Variants in SLC12A2 observed in about 807,000 individuals in gnomAD.
SLC12A2 encodes the protein solute carrier family 12 member 2.
In SLC12A2, 67 loss-of-function variants were observed where a neutral mutation model predicts 136.3. That is an observed-to-expected ratio of 0.49 (90% CI 0.40 to 0.60). The LOEUF is 0.60. SLC12A2 is among the 20% of genes least tolerant of loss of function. The pLI is 0.00. For synonymous variants in SLC12A2, 619 were observed against 562.9 expected, an observed-to-expected ratio of 1.10 and a Z score of -1.41; for missense variants, 1,322 against 1,534.7, an observed-to-expected ratio of 0.86 and a Z score of 2.32.
intron 1 of SLC12A2, among the ~76,000 whole-genome samples, chr5:128,107,871 T>TC (rs1176579732): frequency 1.3e-5 from 2 of 152,130 alleles, no homozygotes; most frequent in African/African-American, 4.8e-5. Context: ...TGCCACACTG[T>TC]CTTTCACAAT....
intron 19 of SLC12A2, among the ~76,000 whole-genome samples, chr5:128,173,358 G>A (rs1300283188): frequency 6.6e-6 from 1 of 152,172 alleles, no homozygotes; most frequent in Non-Finnish European, 1.5e-5. Context: ...AACATAAATA[G>A]TAGTGTTCCC....
Position 128,112,893 on chromosome 5 carries a change from G to A in SLC12A2, c.836G>A (p.Ser279Asn). Reference sequence around the variant, plus strand: ...GCTGTGGTCACGTATACTGCAGAAAGTAAAGGAGTCGTGAAGTTTGGCTGG... The same window carrying A: ...GCTGTGGTCACGTATACTGCAGAAAATAAAGGAGTCGTGAAGTTTGGCTGG... Reference protein sequence around the residue: ...RDAVVTYTAESKGVVKFGWIK... With the variant: ...RDAVVTYTAENKGVVKFGWIK... Residue 279 changes from serine to asparagine, a missense_variant, in exon 2 of 27, where the codon AGT (serine) becomes AAT (asparagine). Physicochemically the swap from Ser to Asn is conservative, Grantham distance 46. Coordinates refer to ENST00000262461, the MANE Select transcript of SLC12A2 (RefSeq NM_001046.3). 1 of 1,613,250 alleles carries A rather than the reference G, an allele frequency of 6.2e-7. No individual in the cohort carries two copies. Among genetic ancestry groups the A allele is most frequent in the East Asian group, 2.2e-5 (1 of 44,824 alleles).
chr5:128,126,480 C>T (rs1320013314), intron 4 of SLC12A2, among the ~76,000 whole-genome samples: 1 of 151,992 alleles, frequency 6.6e-6, no homozygotes, highest in Non-Finnish European at 1.5e-5. Flanking sequence ...GGAAGTTCCT[C>T]AGAAAACTAA....
intron 15 of SLC12A2, among the ~76,000 whole-genome samples, chr5:128,157,577 C>G (rs1762903798): frequency 6.6e-6 from 1 of 152,070 alleles, no homozygotes; most frequent in African/African-American, 2.4e-5. Context: ...GAAGGCAAAC[C>G]TGTGCTTGCA....
chr5:128,118,276 T>A lies in SLC12A2; in HGVS notation c.1048+3595T>A, dbSNP rs116248097. ...GAAAAAGACACTTGTGCACACATGT[T>A]TATAGCAGTAGAATTCACAATTATA... is the stretch of plus-strand genomic sequence containing the variant. On this transcript the variant is annotated intron_variant, in intron 4 of 26. Coordinates refer to ENST00000262461, the MANE Select transcript of SLC12A2 (RefSeq NM_001046.3). Among the ~76,000 whole-genome samples the A allele has an allele frequency of 3.1e-3, 469 of 152,306 alleles. 4 individuals are homozygous for A. The highest frequency in any genetic ancestry group is 0.011 in the African/African-American group (452 of 41,578).
At position 128,180,871 on chromosome 5, in the gene SLC12A2, T is replaced by G. The variant is rs1202655571; in HGVS notation, c.3101-12T>G. 3 of 1,441,784 alleles carry G rather than the reference T, an allele frequency of 2.1e-6. No homozygotes were observed. The highest frequency in any genetic ancestry group is 2.4e-5 in the South Asian group (2 of 84,416). 89.3% of individuals were successfully genotyped at this position (1,441,784 alleles called of 1,614,324 possible). On this transcript the variant is annotated splice_polypyrimidine_tract_variant and intron_variant, in intron 22 of 26. Transcript: ENST00000262461. ...CATTTAGTAAATGATTTATTACATT[T>G]TTATAATTCAGGTTTGACCTTATTG...
intron 1 of SLC12A2, among the ~76,000 whole-genome samples, chr5:128,098,610 ATTC>A (rs1379884250): frequency 2.6e-5 from 4 of 151,642 alleles, no homozygotes; most frequent in Non-Finnish European, 5.9e-5. Flanking sequence ...TTTTAAAAAT[ATTC>A]TTCTGAAAAT....
chr5:128,110,367 A>G (rs1398464233), intron 1 of SLC12A2: 2 of 974,952 alleles, frequency 2.1e-6, no homozygotes, highest in African/African-American at 3.2e-5. Flanking sequence ...GCAAGCTAAC[A>G]CGGGTCCTCC....
chr5:128,117,340 A>G (rs539462803), intron 4 of SLC12A2, among the ~76,000 whole-genome samples: 2 of 152,334 alleles, frequency 1.3e-5, no homozygotes, highest in East Asian at 3.9e-4. Context: ...ATATGAAAAT[A>G]TGGATGTAAA....
intron 1 of SLC12A2, among the ~76,000 whole-genome samples, chr5:128,102,585 C>G (rs60942117): frequency 5.0e-4 from 7 of 13,874 alleles, no homozygotes; most frequent in Non-Finnish European, 1.0e-3. Flanking sequence ...GTAATTCACC[C>G]CCCCCCCCGC....
intron 4 of SLC12A2, among the ~76,000 whole-genome samples, chr5:128,127,565 C>T (rs1761861734): frequency 6.6e-6 from 1 of 151,558 alleles, no homozygotes; most frequent in Non-Finnish European, 1.5e-5. Context: ...CCATCTCTGC[C>T]TATAGTTTTT....
intron 1 of SLC12A2, among the ~76,000 whole-genome samples, chr5:128,094,808 G>A (rs998315758): frequency 6.6e-6 from 1 of 151,914 alleles, no homozygotes; most frequent in Non-Finnish European, 1.5e-5. Context: ...CCAGTAACTC[G>A]TAACTTGTGG....
intron 4 of SLC12A2, among the ~76,000 whole-genome samples, chr5:128,129,272 C>T (rs574752421): frequency 6.6e-6 from 1 of 151,994 alleles, no homozygotes; most frequent in South Asian, 2.1e-4. Context: ...TTAAAACATA[C>T]GTTAGATAAA....
intron 7 of SLC12A2, among the ~76,000 whole-genome samples, chr5:128,136,068 T>G (rs1309178647): frequency 1.3e-5 from 2 of 152,146 alleles, no homozygotes; most frequent in East Asian, 3.8e-4. Context: ...AAAAGGAGAT[T>G]TTATTCTCTA....
chr5:128,178,794 CA>C, intron 22 of SLC12A2, 105 bp downstream of exon 22: 1 of 782,550 alleles, frequency 1.3e-6, no homozygotes, highest in Middle Eastern at 2.6e-4. Flanking sequence ...CAAATTTTGC[CA>C]GCATTCCCAA....
At chr5:128,088,906 C>A (rs1387462354) in intron 1 of SLC12A2, among the ~76,000 whole-genome samples, 1 of 152,120 alleles carries the variant, frequency 6.6e-6, no homozygotes, top group Non-Finnish European at 1.5e-5. Flanking sequence ...CGGTGGCTCA[C>A]TCCTGTAATC....
intron 7 of SLC12A2, among the ~76,000 whole-genome samples, chr5:128,137,155 A>G (rs1235652791): frequency 2.0e-5 from 3 of 152,102 alleles, no homozygotes; most frequent in Non-Finnish European, 1.5e-5. Context: ...TTATGACCCT[A>G]CTTTGGTTTT....
intron 4 of SLC12A2, among the ~76,000 whole-genome samples, chr5:128,122,124 T>C (rs906461659): frequency 6.6e-6 from 1 of 152,246 alleles, no homozygotes; most frequent in Non-Finnish European, 1.5e-5. Flanking sequence ...CACTTTTTGC[T>C]TGGGGGCATT....
rs1763886277 is a variant in SLC12A2 at position 128,186,871 on chromosome 5, A to G, written c.*240A>G. The G allele has an allele frequency of 5.4e-6, 2 of 368,842 alleles. No individual in the cohort carries two copies. Among genetic ancestry groups the G allele is most frequent in the Admixed American group, 4.1e-5 (1 of 24,138 alleles). The allele number at this position is 368,842 out of a possible 1,614,324, so 22.8% of individuals were successfully genotyped here. Reference sequence around the variant, plus strand: ...CTTCTCTGTTGAACTGAAGTTTGTGAGAGTAGTTTTCCTTTGCTACTTGAA... The same window carrying G: ...CTTCTCTGTTGAACTGAAGTTTGTGGGAGTAGTTTTCCTTTGCTACTTGAA... On this transcript the variant is annotated 3_prime_UTR_variant, in exon 27 of 27. Coordinates refer to ENST00000262461, the MANE Select transcript of SLC12A2 (RefSeq NM_001046.3).
Sources: gnomAD v4.1 joint callset for allele counts (sites outside exome capture counted in the v4.1 genomes callset) on GRCh38, gnomAD v4.1.1 for gene constraint, MANE v1.5 for transcripts, NCBI Gene and HGNC (gene_info 2026-07-23, HGNC 2026-07-21) for gene names.